NLRP7: variants seen among roughly 807,000 people sequenced by gnomAD.
The protein encoded by NLRP7 is NACHT, LRR and PYD domains-containing protein 7.
Under a neutral mutation model 85.5 loss-of-function variants are expected in NLRP7, and 72 were observed. The observed-to-expected ratio is 0.84, with a 90% CI of 0.70 to 1.02. The LOEUF is 1.02. Among genes scored for constraint, NLRP7 ranks in the 50% least tolerant of loss-of-function variants. The pLI is 0.00. For synonymous variants in NLRP7, 550 were observed against 505.2 expected, an observed-to-expected ratio of 1.09 and a Z score of -1.19; for missense variants, 1,243 against 1,219.5, an observed-to-expected ratio of 1.02 and a Z score of -0.29.
In NLRP7 at chr19:54,938,068, C is replaced by T. The variant is rs139797510; in HGVS notation, c.2105G>A (p.Ser702Asn). 1.1e-4 allele frequency: 170 copies of T among 1,613,880 alleles called. No individual in the cohort carries two copies. The highest frequency in any genetic ancestry group is 1.4e-4 in the Non-Finnish European group (163 of 1,179,934). The change falls in exon 5 of 10, where the codon AGC becomes AAC. Residue 702 changes from serine to asparagine, a missense_variant. By Grantham distance (46) the Ser-to-Asn change is conservative. Around this residue, in one of 3 missense-constraint regions of NLRP7, gnomAD observed 613 missense variants for 588.4 expected, o/e 1.04. Coordinates refer to ENST00000340844, the Ensembl canonical transcript of NLRP7. ...CTCCACTTTCTGCAGATGACAGGTG[C>T]TACGGGTTACGTGGTCACAAAGAAT...
In NLRP7 at chr19:54,943,472, G is replaced by A. The variant is rs950031527; in HGVS notation, c.-39-1722C>T. Among the ~76,000 whole-genome samples, 4 of 151,846 alleles carry A rather than the reference G, an allele frequency of 2.6e-5. No homozygotes were observed. In the East Asian group the frequency reaches 5.8e-4, roughly 22 times the overall value. On this transcript the variant is annotated intron_variant, in intron 1 of 9. Coordinates refer to ENST00000340844, the Ensembl canonical transcript of NLRP7. ...AACAATTAGCCGGGCGTGGTGGCGG[G>A]CGCCTGTAGTCCCAGCTACTCGGGA...
chr19:54,951,559 AAAAAAC>A (rs549875584), upstream of NLRP7, among the ~76,000 whole-genome samples: 25 of 152,198 alleles, frequency 1.6e-4, no homozygotes, highest in East Asian at 9.7e-4. Context: ...CTCAAAAAAC[AAAAAAC>A]AAAAACAAAA....
rs537852678 is a variant in NLRP7 at position 54,941,366 on chromosome 19, A to G, written c.277+69T>C. ...CCTTACACTCCAGCCTGGGCGACAG[A>G]ACGAGACTCCATCTCAAAAAAAAAA... On this transcript the variant is annotated intron_variant, in intron 2 of 9. Transcript: ENST00000340844. The G allele has an allele frequency of 5.0e-5, 58 of 1,151,546 alleles. No individual in the cohort carries two copies. In the African/African-American group the frequency reaches 7.0e-4, roughly 14 times the overall value. The allele number at this position is 1,151,546 out of a possible 1,614,324, so 71.3% of individuals were successfully genotyped here.
At chr19:54,954,994 G>A (rs1274666917) in intron 1 of NLRP7, among the ~76,000 whole-genome samples, 11 of 151,886 alleles carry the variant, frequency 7.2e-5, no homozygotes, top group Non-Finnish European at 1.6e-4. Context: ...TGAGATTCAA[G>A]AACCCACCAT....
chr19:54,952,311 G>A (rs575326328), upstream of NLRP7, among the ~76,000 whole-genome samples: 7 of 152,064 alleles, frequency 4.6e-5, no homozygotes, highest in South Asian at 2.1e-4. Flanking sequence ...CCCTAGCCCC[G>A]GCCGGGTGCA....
At chr19:54,940,271 C>T in exon 4 of NLRP7, 2 of 1,614,162 alleles carry the variant, frequency 1.2e-6, no homozygotes, top group Non-Finnish European at 1.7e-6. Context: ...CGTGGTTTTC[C>T]CCACGCCTGC....
At position 54,934,660 on chromosome 19, in the gene NLRP7, C is replaced by T. The variant is rs376916534; in HGVS notation, c.2301-1G>A. The T allele has an allele frequency of 2.5e-6, 4 of 1,612,254 alleles. No homozygotes were observed. The highest frequency in any genetic ancestry group is 1.7e-6 in the Non-Finnish European group (2 of 1,179,246). ...CGGGGTGGCACAGTGACCTCCCAAC[C>T]TGTGAAAAGAGTGGGAAAAGTCATT... On this transcript the variant is annotated splice_acceptor_variant, in intron 6 of 9. Transcript: ENST00000340844. LOFTEE classifies it high-confidence loss of function. This position sits in a 1 kb window ranked among gnomAD's most constrained non-coding sequence, Gnocchi z 6.7.
chr19:54,964,377 C>T (rs918245336), intron 1 of NLRP7, among the ~76,000 whole-genome samples: 282 of 150,378 alleles, frequency 1.9e-3, no homozygotes, highest in African/African-American at 6.5e-3. Flanking sequence ...CCACCACGCC[C>T]GGCTAATTTT....
rs1434270760 is a variant in NLRP7, at chr19:54,934,642, G to A, written c.2318C>T (p.Ala773Val). Residue 773 changes from alanine to valine, a missense_variant, in exon 7 of 10, where the codon GCC (alanine) becomes GTC (valine). Around this residue, in one of 3 missense-constraint regions of NLRP7, gnomAD observed 613 missense variants for 588.4 expected, o/e 1.04. Coordinates refer to ENST00000340844, the Ensembl canonical transcript of NLRP7. This position sits in a 1 kb window ranked among gnomAD's most constrained non-coding sequence, Gnocchi z 6.7. ...GAATTCAGCCCACTGCTCCGGGGTG[G>A]CACAGTGACCTCCCAACCTGTGAAA... 1 of 1,613,472 alleles carries A rather than the reference G, an allele frequency of 6.2e-7. No individual in the cohort carries two copies. The highest frequency in any genetic ancestry group is 8.5e-7 in the Non-Finnish European group (1 of 1,179,726).
At chr19:54,931,872 C>T (rs1379098584) in intron 8 of NLRP7, among the ~76,000 whole-genome samples, 2 of 151,306 alleles carry the variant, frequency 1.3e-5, no homozygotes, top group African/African-American at 4.9e-5. Context: ...ATCCAAATGG[C>T]CTTCTGATTC....
upstream of NLRP7, among the ~76,000 whole-genome samples, chr19:54,952,281 C>T (rs1210809154): frequency 1.3e-5 from 2 of 151,910 alleles, no homozygotes; most frequent in Admixed American, 6.6e-5. Context: ...CACTCTGGCC[C>T]ACACCAAAAC....
intron 9 of NLRP7, among the ~76,000 whole-genome samples, chr19:54,926,171 T>A (rs2068427820): frequency 6.6e-6 from 1 of 151,820 alleles, no homozygotes; most frequent in East Asian, 1.9e-4. Flanking sequence ...AGGACAGCTC[T>A]GGGAACTACC....
At chr19:54,947,051 G>A (rs773369086) in intron 1 of NLRP7, among the ~76,000 whole-genome samples, 6 of 152,058 alleles carry the variant, frequency 3.9e-5, no homozygotes, top group Non-Finnish European at 5.9e-5. Flanking sequence ...TAGGCCAGGC[G>A]TGGTGGCTCA....
chr19:54,938,947 T>C, exon 4 of NLRP7: 1 of 1,614,006 alleles, frequency 6.2e-7, no homozygotes, highest in Non-Finnish European at 8.5e-7. Context: ...CCCCCTTTGC[T>C]ACCTGCAGTG....
chr19:54,959,416 C>T (rs545543440), intron 1 of NLRP7, among the ~76,000 whole-genome samples: 1 of 151,362 alleles, frequency 6.6e-6, no homozygotes, highest in Admixed American at 6.6e-5. Flanking sequence ...GGATTACAGG[C>T]GTGAGCCACC....
At chr19:54,958,645 AAATAAT>A (rs199572658) in intron 1 of NLRP7, among the ~76,000 whole-genome samples, 60 of 151,300 alleles carry the variant, frequency 4.0e-4, no homozygotes, top group African/African-American at 1.2e-3. Context: ...ACTCTGTCTC[AAATAAT>A]AATAATAATA....
At chr19:54,933,116 A>G (rs2068745284) in intron 8 of NLRP7, among the ~76,000 whole-genome samples, 1 of 151,698 alleles carries the variant, frequency 6.6e-6, no homozygotes, top group African/African-American at 2.4e-5. Flanking sequence ...AAATATTAAC[A>G]TGTTTCTACC....
exon 4 of NLRP7, chr19:54,940,056 G>A (rs1459120101): frequency 1.1e-5 from 17 of 1,614,158 alleles, no homozygotes; most frequent in Middle Eastern, 3.3e-4. Context: ...AGCTCATCAA[G>A]GCCATCGACC....
intron 9 of NLRP7, among the ~76,000 whole-genome samples, chr19:54,925,721 G>A (rs1025264671): frequency 4.6e-5 from 7 of 152,148 alleles, no homozygotes; most frequent in Admixed American, 2.0e-4. Flanking sequence ...CACTGAGGCC[G>A]GGCGCGGTGG....
Sources: allele counts gnomAD v4.1 joint callset (sites outside exome capture counted in the v4.1 genomes callset), GRCh38; gene constraint gnomAD v4.1.1; regional missense constraint gnomAD v4.1.1; non-coding constraint Gnocchi (gnomAD v3.1); transcripts MANE v1.5; gene names NCBI Gene and HGNC (gene_info 2026-07-23, HGNC 2026-07-21).